SLC6A3: variants seen among roughly 807,000 people sequenced by gnomAD.
The protein encoded by SLC6A3 is solute carrier family 6 member 3, also known as sodium-dependent dopamine transporter.
In SLC6A3, 19 loss-of-function variants were observed where a neutral mutation model predicts 70.4. The observed-to-expected ratio is 0.27, with a 90% confidence interval of 0.19 to 0.40. The LOEUF (loss-of-function observed/expected upper bound fraction) is 0.40, where lower values mean the gene tolerates loss of function less well. Ranked by LOEUF, SLC6A3 falls within the 10% of genes least tolerant of loss-of-function variation. The pLI, the probability that SLC6A3 is intolerant of heterozygous loss-of-function variation, is 1.00. For missense variants in SLC6A3, 613 were observed against 838.5 expected (o/e 0.73, Z 3.32); for synonymous variants, 368 against 356.6 (o/e 1.03, Z -0.36).
At chr5:1,420,788 T>C (rs1756417624) in intron 5 of SLC6A3, 85 bp from the exon 6 acceptor site, 1 of 1,468,188 alleles carries the variant, frequency 6.8e-7, no homozygotes, top group Non-Finnish European at 9.5e-7. Flanking sequence ...CGGGTTGCCC[T>C]GACGGCTTGT....
At position 1,408,952 on chromosome 5, in the gene SLC6A3, G is replaced by A; in HGVS notation, c.1498+74C>T. The A allele has an allele frequency of 9.7e-7, 1 of 1,036,258 alleles. No individual in the cohort carries two copies. Among genetic ancestry groups the A allele is most frequent in the South Asian group, 1.3e-5 (1 of 76,706 alleles). 64.2% of individuals were successfully genotyped at this position (1,036,258 alleles called of 1,614,324 possible). On this transcript the variant is annotated intron_variant, in intron 11 of 14. Coordinates refer to ENST00000270349, the MANE Select transcript of SLC6A3 (RefSeq NM_001044.5). This position sits in a 1 kb window ranked among gnomAD's most constrained non-coding sequence, Gnocchi z 6.4. The stretch of plus-strand genomic sequence containing the variant: ...CAGCTGAAAGGTGTTTCCTCACGGA[G>A]CCTTTTTCAGAAGGGGAGTGGCACA...
In SLC6A3 at chr5:1,406,406, C is replaced by G. The variant is rs1257642682; in HGVS notation, c.1499-118G>C. On this transcript the variant is annotated intron_variant, in intron 11 of 14. Transcript: ENST00000270349. The surrounding 1 kb of genome is among the most constrained non-coding windows in gnomAD (Gnocchi z 8.8). ...CCCACCTACCGGCCCCAGGCTTCGGCTGCACCCAGCCTCCTGCAGAGGAGG... is the reference window on the plus strand; with the variant it reads ...CCCACCTACCGGCCCCAGGCTTCGGGTGCACCCAGCCTCCTGCAGAGGAGG... The G allele has an allele frequency of 1.1e-6, 1 of 871,110 alleles. No individual in the cohort carries two copies. The highest frequency in any genetic ancestry group is 1.9e-6 in the Non-Finnish European group (1 of 520,626). 54.0% of individuals were successfully genotyped at this position (871,110 alleles called of 1,614,324 possible). A position where few individuals can be genotyped will look rare whatever the true frequency, so the allele number is the denominator to read the frequency against.
At chr5:1,409,604 C>A in intron 10 of SLC6A3, 117 bp downstream of exon 10, 1 of 1,246,994 alleles carries the variant, frequency 8.0e-7, no homozygotes, top group Non-Finnish European at 1.2e-6. Flanking sequence ...TGGGTGGGTT[C>A]GCAGCTCCCT....
At position 1,394,488 on chromosome 5, in the gene SLC6A3, C is replaced by T. The variant is rs754605487; in HGVS notation, c.*247G>A. 8.1e-5 allele frequency: 50 copies of T among 613,850 alleles called. No homozygotes were observed. Among genetic ancestry groups the T allele is most frequent in the African/African-American group, 1.8e-4 (10 of 54,440 alleles). The allele number at this position is 613,850 out of a possible 1,614,324, so 38.0% of individuals were successfully genotyped here. ...TTTTTCTGCCCTGCAGGGACAACAA[C>T]GGGGTGGACCTCGCTGCACAGATCT... On this transcript the variant is annotated 3_prime_UTR_variant, in exon 15 of 15. Transcript: ENST00000270349. The surrounding 1 kb of genome is among the most constrained non-coding windows in gnomAD (Gnocchi z 4.7).
chr5:1,424,680 C>A (rs1756538843), intron 4 of SLC6A3, among the ~76,000 whole-genome samples: 1 of 152,250 alleles, frequency 6.6e-6, no homozygotes, highest in Non-Finnish European at 1.5e-5. Context: ...AAGTGCGCTG[C>A]CCCACTCAGG....
Position 1,401,044 on chromosome 5 carries a change from A to C in SLC6A3, c.1768-58T>G. On this transcript the variant is annotated intron_variant, in intron 13 of 14. Coordinates refer to ENST00000270349, the MANE Select transcript of SLC6A3 (RefSeq NM_001044.5). This position sits in a 1 kb window ranked among gnomAD's most constrained non-coding sequence, Gnocchi z 6.1. ...AGACCAGTACCCACTGCCAGCACCCACCACTGACTCACACTGCCAGGACCC... is the reference window on the plus strand; with the variant it reads ...AGACCAGTACCCACTGCCAGCACCCCCCACTGACTCACACTGCCAGGACCC... The C allele has an allele frequency of 7.6e-7, 1 of 1,312,882 alleles. No individual in the cohort carries two copies. 81.3% of individuals were successfully genotyped at this position (1,312,882 alleles called of 1,614,324 possible). A position where few individuals can be genotyped will look rare whatever the true frequency, so the allele number is the denominator to read the frequency against.
chr5:1,417,017 C>T (rs1218450441), intron 6 of SLC6A3, among the ~76,000 whole-genome samples: 1 of 151,962 alleles, frequency 6.6e-6, no homozygotes, highest in Non-Finnish European at 1.5e-5. Context: ...ATGGACTTAT[C>T]CACACTCACA....
At chr5:1,445,011 T>A (rs1239705350) in intron 1 of SLC6A3, among the ~76,000 whole-genome samples, 1 of 151,952 alleles carries the variant, frequency 6.6e-6, no homozygotes, top group Non-Finnish European at 1.5e-5. Context: ...AGGGTTAAGT[T>A]CCACGAGAAG....
chr5:1,437,966 G>T lies in SLC6A3; in HGVS notation c.418+3393C>A, dbSNP rs1048171056. 2.6e-5 allele frequency among the ~76,000 whole-genome samples: 4 copies of T among 152,170 alleles called. No homozygotes were observed. Among genetic ancestry groups the T allele is most frequent in the African/African-American group, 9.7e-5 (4 of 41,438 alleles). ...ACAAAGGCACATGTATCAGGGTGCC[G>T]GGGGTGCATGGTGTACATCTGATTT... On this transcript the variant is annotated intron_variant, in intron 3 of 14. Transcript: ENST00000270349. The surrounding 1 kb of genome is among the most constrained non-coding windows in gnomAD (Gnocchi z 4.8).
Position 1,402,332 on chromosome 5 carries a change from G to A in SLC6A3, c.1767+590C>T, listed in dbSNP as rs1320938480. Among the ~76,000 whole-genome samples the A allele has an allele frequency of 6.6e-6, 1 of 151,370 alleles. No homozygotes were observed. ...ACCTGCCTTTCTTCTACACAAAGGC[G>A]GCAAAACCAAGCAGAAGAAAGGAGA... On this transcript the variant is annotated intron_variant, in intron 13 of 14. Transcript: ENST00000270349. This position sits in a 1 kb window ranked among gnomAD's most constrained non-coding sequence, Gnocchi z 8.5.
chr5:1,432,784 G>T (rs528832788), intron 3 of SLC6A3, 86 bp from the exon 4 acceptor site: 1 of 901,594 alleles, frequency 1.1e-6, no homozygotes, highest in Non-Finnish European at 1.8e-6. Context: ...CTCCCCTCAC[G>T]GGAGACATTA....
intron 8 of SLC6A3, among the ~76,000 whole-genome samples, 200 bp downstream of exon 8, chr5:1,414,491 T>TGGGGGGCCGGGAGGGG (rs1756221322): frequency 3.5e-5 from 1 of 28,858 alleles, no homozygotes. Context: ...GCCTGGAGGG[T>TGGGGGGCCGGGAGGGG]CAGGGCGGGG....
At chr5:1,395,331 TA>T (rs1275513444) in intron 14 of SLC6A3, among the ~76,000 whole-genome samples, 2 of 152,268 alleles carry the variant, frequency 1.3e-5, no homozygotes, top group Admixed American at 6.5e-5. Context: ...CATCGCCTGC[TA>T]TTATGCAGCT....
At chr5:1,416,910 C>T (rs1250649978) in intron 6 of SLC6A3, among the ~76,000 whole-genome samples, 2 of 152,208 alleles carry the variant, frequency 1.3e-5, no homozygotes, top group Admixed American at 6.5e-5. Flanking sequence ...GATTCATCCA[C>T]ATGCTGCATA....
rs893637202 is a variant in SLC6A3 at position 1,406,554 on chromosome 5, A to C, written c.1499-266T>G. ...TGGGTGCTCCCCGCGCCCCGGCAACAGCCCCTCGGGTCCTCCTCCCCATCC... is the reference window on the plus strand; with the variant it reads ...TGGGTGCTCCCCGCGCCCCGGCAACCGCCCCTCGGGTCCTCCTCCCCATCC... On this transcript the variant is annotated intron_variant, in intron 11 of 14. Transcript: ENST00000270349. This position sits in a 1 kb window ranked among gnomAD's most constrained non-coding sequence, Gnocchi z 8.8. Among the ~76,000 whole-genome samples the C allele has an allele frequency of 2.5e-4, 38 of 152,180 alleles. No individual in the cohort carries two copies. The highest frequency in any genetic ancestry group is 1.6e-4 in the Non-Finnish European group (11 of 68,020).
rs548018706 is a variant in SLC6A3, at chr5:1,397,800, A to G, written c.1840-3042T>C. Among the ~76,000 whole-genome samples the G allele has an allele frequency of 1.3e-5, 2 of 152,374 alleles. No homozygotes were observed. The highest frequency in any genetic ancestry group is 2.1e-4 in the South Asian group (1 of 4,824). ...AATGGTCCTAGAAGAAAAGAAGTCTATAACAAAAGTATGGGAACCAACAAA... is the reference window on the plus strand; with the variant it reads ...AATGGTCCTAGAAGAAAAGAAGTCTGTAACAAAAGTATGGGAACCAACAAA... On this transcript the variant is annotated intron_variant, in intron 14 of 14. Coordinates refer to ENST00000270349, the MANE Select transcript of SLC6A3 (RefSeq NM_001044.5). The surrounding 1 kb of genome is among the most constrained non-coding windows in gnomAD (Gnocchi z 4.7).
rs2126337385 is a variant in SLC6A3 at position 1,408,609 on chromosome 5, C to T, written c.1498+417G>A. On this transcript the variant is annotated intron_variant, in intron 11 of 14. Transcript: ENST00000270349. This position sits in a 1 kb window ranked among gnomAD's most constrained non-coding sequence, Gnocchi z 6.4. Reference sequence around the variant, plus strand: ...GAGCTGCACCCCGTTCGAGCGCCGCCCGCTGATCATCAGGTCCCGACTGCT... The same window carrying T: ...GAGCTGCACCCCGTTCGAGCGCCGCTCGCTGATCATCAGGTCCCGACTGCT... Among the ~76,000 whole-genome samples the T allele has an allele frequency of 6.6e-6, 1 of 152,282 alleles. No individual in the cohort carries two copies. The highest frequency in any genetic ancestry group is 2.4e-5 in the African/African-American group (1 of 41,562).
chr5:1,395,639 C>T lies in SLC6A3; in HGVS notation c.1840-881G>A, dbSNP rs116280895. 2.5e-3 allele frequency among the ~76,000 whole-genome samples: 379 copies of T among 152,266 alleles called. 3 individuals are homozygous for T. The highest frequency in any genetic ancestry group is 8.4e-3 in the African/African-American group (350 of 41,572). The stretch of plus-strand genomic sequence containing the variant: ...GCACAGGCAGCATCCAGGTGCAGCT[C>T]GGGGCTCAGTGAAGGAAGCTGGGGT... On this transcript the variant is annotated intron_variant, in intron 14 of 14. Coordinates refer to ENST00000270349, the MANE Select transcript of SLC6A3 (RefSeq NM_001044.5).
At chr5:1,445,051 A>C (rs988170728) in intron 1 of SLC6A3, among the ~76,000 whole-genome samples, 1 of 152,102 alleles carries the variant, frequency 6.6e-6, no homozygotes, top group East Asian at 1.9e-4. Flanking sequence ...ACAGCCATAG[A>C]CACCCACGCG....
Sources: gnomAD v4.1 joint callset for allele counts (sites outside exome capture counted in the v4.1 genomes callset) on GRCh38, gnomAD v4.1.1 for gene constraint, Gnocchi (gnomAD v3.1) non-coding constraint, MANE v1.5 for transcripts, NCBI Gene and HGNC (gene_info 2026-07-23, HGNC 2026-07-21) for gene names.